DUSP16: variants seen among roughly 807,000 people sequenced by gnomAD.
DUSP16 encodes dual specificity protein phosphatase 16.
Under a neutral mutation model 58.3 loss-of-function variants are expected in DUSP16, and 21 were observed. The observed-to-expected ratio is 0.36, with a 90% CI of 0.26 to 0.52. The LOEUF is 0.52. Among genes scored for constraint, DUSP16 ranks in the 20% least tolerant of loss-of-function variants. DUSP16 has a pLI of 0.94. For synonymous variants in DUSP16, 320 were observed against 323.8 expected, an observed-to-expected ratio of 0.99 and a Z score of 0.12; for missense variants, 726 against 819.0, an observed-to-expected ratio of 0.89 and a Z score of 1.39.
intron 1 of DUSP16, among the ~76,000 whole-genome samples, chr12:12,522,426 T>C (rs1004380212): frequency 6.6e-6 from 1 of 152,144 alleles, no homozygotes; most frequent in Admixed American, 6.6e-5. Flanking sequence ...CTAGTTGAAG[T>C]TTTGCGCTTA....
intron 1 of DUSP16, among the ~76,000 whole-genome samples, chr12:12,550,764 A>G (rs1206368269): frequency 6.6e-6 from 1 of 152,108 alleles, no homozygotes; most frequent in African/African-American, 2.4e-5. Context: ...TAGAGGAGGG[A>G]TAGCATTAGG....
chr12:12,492,132 A>C (rs1271834400), intron 4 of DUSP16, among the ~76,000 whole-genome samples: 2 of 152,294 alleles, frequency 1.3e-5, no homozygotes, highest in East Asian at 3.9e-4. Flanking sequence ...GCCAGAGAAA[A>C]ACACTCCACA....
intron 1 of DUSP16, among the ~76,000 whole-genome samples, chr12:12,546,976 T>G (rs887228489): frequency 1.3e-5 from 2 of 152,182 alleles, no homozygotes; most frequent in African/African-American, 4.8e-5. Context: ...TTTCTTACCT[T>G]TAATTAACAT....
intron 1 of DUSP16, among the ~76,000 whole-genome samples, chr12:12,557,341 C>T (rs1031001694): frequency 3.3e-5 from 5 of 151,688 alleles, no homozygotes; most frequent in African/African-American, 1.2e-4. Flanking sequence ...CCTGTAGTCC[C>T]AGCTACTCGG....
In DUSP16 at chr12:12,477,832, G is replaced by C; in HGVS notation, c.999C>G (p.Ser333Arg). 6.2e-7 allele frequency: 1 copy of C among 1,614,046 alleles called. No homozygotes were observed. Residue 333 changes from serine (S) to arginine (R), a missense_variant, in exon 7 of 7, where the codon AGC becomes AGG. By Grantham distance (110) the Ser-to-Arg change is moderately radical. Coordinates refer to ENST00000298573, the MANE Select transcript of DUSP16 (RefSeq NM_030640.3). This position sits in a 1 kb window ranked among gnomAD's most constrained non-coding sequence, Gnocchi z 4.1. The stretch of plus-strand genomic sequence containing the variant: ...CACAGGGTGGACTGAGGGGCGTCTC[G>C]CTTTTCTGTCCACCCTCTGAGACAG... ...VPAVSEGGQK[S>R]ETPLSPPCAD... is the part of the protein sequence containing the mutation.
chr12:12,521,104 CAAT>C lies in DUSP16; in HGVS notation c.-9_-7del. ...CCAATCATCTCATGGGCCATGACAACAATAAGTCCTCTTTTCCCACCTCCTTCT... is the reference window on the plus strand; with the variant it reads ...CCAATCATCTCATGGGCCATGACAACAAGTCCTCTTTTCCCACCTCCTTCT... On this transcript the variant is annotated 5_prime_UTR_variant, in exon 2 of 7. Coordinates refer to ENST00000298573, the MANE Select transcript of DUSP16 (RefSeq NM_030640.3). 1.9e-6 allele frequency: 3 copies of C among 1,613,682 alleles called. No homozygotes were observed. The highest frequency in any genetic ancestry group is 1.1e-5 in the South Asian group (1 of 91,014).
intron 1 of DUSP16, among the ~76,000 whole-genome samples, chr12:12,540,475 A>C (rs576914818): frequency 6.6e-6 from 1 of 152,368 alleles, no homozygotes; most frequent in African/African-American, 2.4e-5. Flanking sequence ...CAGTGGGTCT[A>C]ACTTGTGCTT....
rs764681580 is a variant in DUSP16, at chr12:12,477,032, C to T, written c.1799G>A (p.Arg600Gln). The change falls in exon 7 of 7, where the codon CGG (arginine) becomes CAG (glutamine). Residue 600 changes from arginine (R) to glutamine (Q), a missense_variant. Transcript: ENST00000298573. This position sits in a 1 kb window ranked among gnomAD's most constrained non-coding sequence, Gnocchi z 4.1. Reference sequence around the variant, plus strand: ...GTCAGCTCTGTCACTTGGCTTCTGCCGCCTGCGCACAGAATAGACTTGGTC... The same window carrying T: ...GTCAGCTCTGTCACTTGGCTTCTGCTGCCTGCGCACAGAATAGACTTGGTC... ...CGDQVYSVRRRQKPSDRADSR... is the reference protein window; with the variant it reads ...CGDQVYSVRRQQKPSDRADSR... 6.8e-6 allele frequency: 11 copies of T among 1,614,250 alleles called. No homozygotes were observed. Among genetic ancestry groups the T allele is most frequent in the East Asian group, 4.5e-5 (2 of 44,890 alleles).
At chr12:12,486,988 G>A (rs772622627) in intron 5 of DUSP16, 40 bp downstream of exon 5, 3 of 1,607,530 alleles carry the variant, frequency 1.9e-6, no homozygotes, top group Non-Finnish European at 2.6e-6. Flanking sequence ...CACATGAGAC[G>A]ATCACCCACA....
At position 12,477,306 on chromosome 12, in the gene DUSP16, C is replaced by A; in HGVS notation, c.1525G>T (p.Val509Leu). 1.9e-6 allele frequency: 3 copies of A among 1,614,236 alleles called. No individual in the cohort carries two copies. The highest frequency in any genetic ancestry group is 2.5e-6 in the Non-Finnish European group (3 of 1,180,040). ...AAGCTGGTGTGGTAATTGTCCTCCA[C>A]GCTCCCACTTCGATGCAGTGGAGAT... is the stretch of plus-strand genomic sequence containing the variant. ...LLSPLHRSGSVEDNYHTSFLF... is the reference protein window; with the variant it reads ...LLSPLHRSGSLEDNYHTSFLF... The change falls in exon 7 of 7, where the codon GTG becomes TTG. Residue 509 changes from valine (V) to leucine (L), a missense_variant. Physicochemically the swap from Val to Leu is conservative, Grantham distance 32. Transcript: ENST00000298573. This position sits in a 1 kb window ranked among gnomAD's most constrained non-coding sequence, Gnocchi z 4.1.
Position 12,475,574 on chromosome 12 carries a change from C to T in DUSP16, c.*1259G>A, listed in dbSNP as rs1943414391. 6.6e-6 allele frequency: 1 copy of T among 152,150 alleles called. No homozygotes were observed. Among genetic ancestry groups the T allele is most frequent in the Non-Finnish European group, 1.5e-5 (1 of 68,050 alleles). The allele number at this position is 152,150 out of a possible 1,614,324, so 9.4% of individuals were successfully genotyped here. On this transcript the variant is annotated 3_prime_UTR_variant, in exon 7 of 7. Coordinates refer to ENST00000298573, the MANE Select transcript of DUSP16 (RefSeq NM_030640.3). The stretch of plus-strand genomic sequence containing the variant: ...TCTCAACCGTTTTATTCTGAATATT[C>T]CTTCCTCACTAAAGCCTCTCTCAGC...
At chr12:12,536,527 C>T (rs1270149712) in intron 1 of DUSP16, among the ~76,000 whole-genome samples, 1 of 152,088 alleles carries the variant, frequency 6.6e-6, no homozygotes, top group Non-Finnish European at 1.5e-5. Flanking sequence ...GATGGATCAC[C>T]TGAAGTTAGG....
intron 5 of DUSP16, among the ~76,000 whole-genome samples, chr12:12,483,069 G>A (rs780879864): frequency 2.0e-5 from 3 of 152,276 alleles, no homozygotes; most frequent in Non-Finnish European, 2.9e-5. Flanking sequence ...AATAAAGAAC[G>A]AGAAGGCAAT....
chr12:12,480,659 T>C (rs946980341), intron 5 of DUSP16, among the ~76,000 whole-genome samples: 6 of 152,214 alleles, frequency 3.9e-5, no homozygotes, highest in Non-Finnish European at 8.8e-5. Context: ...ATATTTAATA[T>C]ATTCCTGTTA....
At chr12:12,559,931 A>G (rs1427532142) in intron 1 of DUSP16, among the ~76,000 whole-genome samples, 1 of 152,176 alleles carries the variant, frequency 6.6e-6, no homozygotes, top group Non-Finnish European at 1.5e-5. Context: ...GGAAAAAGGA[A>G]AAGAACCGGG....
intron 1 of DUSP16, among the ~76,000 whole-genome samples, chr12:12,547,203 T>C (rs1251185468): frequency 1.3e-5 from 2 of 151,734 alleles, no homozygotes; most frequent in African/African-American, 2.4e-5. Context: ...CCGAGGCAGG[T>C]GGATCACCTG....
At position 12,487,228 on chromosome 12, in the gene DUSP16, T is replaced by C. The variant is rs760623847; in HGVS notation, c.532-41A>G. 18 of 1,591,468 alleles carry C rather than the reference T, an allele frequency of 1.1e-5. 1 individual carries two copies. The highest frequency in any genetic ancestry group is 3.3e-4 in the Middle Eastern group (2 of 6,006). The stretch of plus-strand genomic sequence containing the variant: ...GTAGCAGTTAAAGTGACTAATAATA[T>C]AGTAAACATGATCATTCTGAAAGAG... On this transcript the variant is annotated intron_variant, in intron 4 of 6. Transcript: ENST00000298573.
chr12:12,490,151 C>G (rs1194932832), intron 4 of DUSP16, among the ~76,000 whole-genome samples: 2 of 152,206 alleles, frequency 1.3e-5, no homozygotes, highest in Non-Finnish European at 2.9e-5. Flanking sequence ...CTTATGGCCT[C>G]AAGCGATCCT....
intron 1 of DUSP16, among the ~76,000 whole-genome samples, chr12:12,558,274 CATG>C (rs754239667): frequency 6.6e-5 from 10 of 152,262 alleles, no homozygotes; most frequent in South Asian, 2.1e-4. Flanking sequence ...CAAAATAGGC[CATG>C]ATATTACAGC....
Sources: allele counts gnomAD v4.1 joint callset (sites outside exome capture counted in the v4.1 genomes callset), GRCh38; gene constraint gnomAD v4.1.1; non-coding constraint Gnocchi (gnomAD v3.1); transcripts MANE v1.5; gene names NCBI Gene and HGNC (gene_info 2026-07-23, HGNC 2026-07-21).